Variants in CFAP299 observed in about 807,000 individuals in gnomAD.
CFAP299 encodes the protein cilia- and flagella-associated protein 299.
A neutral mutation model predicts 27.0 loss-of-function variants in CFAP299; 21 were observed. The ratio of observed to expected loss-of-function variants is 0.78; its 90% confidence interval spans 0.55 to 1.12. CFAP299 has a LOEUF of 1.12. Among genes scored for constraint, CFAP299 ranks in the 50% most tolerant of loss-of-function variants. The pLI is 0.00. For synonymous variants in CFAP299, 104 were observed against 98.1 expected, an observed-to-expected ratio of 1.06 and a Z score of -0.36; for missense variants, 310 against 276.6, an observed-to-expected ratio of 1.12 and a Z score of -0.86.
intron 2 of CFAP299, among the ~76,000 whole-genome samples, chr4:80,392,089 C>G (rs764010811): frequency 6.6e-6 from 1 of 152,200 alleles, no homozygotes; most frequent in Non-Finnish European, 1.5e-5. Context: ...GCCTTACAGG[C>G]CTTTCTTTGG....
At chr4:80,371,392 C>G (rs752625628) in intron 2 of CFAP299, among the ~76,000 whole-genome samples, 1 of 152,186 alleles carries the variant, frequency 6.6e-6, no homozygotes, top group Non-Finnish European at 1.5e-5. Context: ...TTTTGTTATA[C>G]AAATTTCTGC....
chr4:80,840,535 A>T (rs542742340), intron 3 of CFAP299, among the ~76,000 whole-genome samples: 1 of 152,050 alleles, frequency 6.6e-6, no homozygotes, highest in Non-Finnish European at 1.5e-5. Context: ...ACAATTTTCT[A>T]TGTGCACATT....
At chr4:80,558,899 GAAACGGTATAATACATCATATA>G (rs1176927242) in intron 2 of CFAP299, among the ~76,000 whole-genome samples, 1 of 152,112 alleles carries the variant, frequency 6.6e-6, no homozygotes, top group South Asian at 2.1e-4. Flanking sequence ...TAGAAGACAA[GAAACGGTATAATACATCATATA>G]AATAGCACTA....
chr4:80,583,072 C>G (rs370746109), intron 2 of CFAP299, 21 bp from the exon 3 acceptor site: 44 of 1,519,352 alleles, frequency 2.9e-5, no homozygotes, highest in Non-Finnish European at 3.9e-5. Context: ...TATATTATAA[C>G]TGAAGATCTG....
rs907282240 is a variant in CFAP299, at chr4:80,386,523, G to GT, written c.242+23639_242+23640insT. On this transcript the variant is annotated intron_variant, in intron 2 of 5. Coordinates refer to ENST00000358105, the MANE Select transcript of CFAP299 (RefSeq NM_152770.3). ...CTCGCGGGCGGTGGTGGGGGGGGGG[G>GT]GTGCCGCCGGGTTTGCAGGTCCTTT... The GT allele has an allele frequency of 1.2e-5, 19 of 1,574,070 alleles. No homozygotes were observed. In the African/African-American group the frequency reaches 2.4e-4, roughly 20 times the overall value.
At chr4:80,639,407 G>A (rs1192435783) in intron 3 of CFAP299, among the ~76,000 whole-genome samples, 2 of 152,170 alleles carry the variant, frequency 1.3e-5, no homozygotes, top group African/African-American at 4.8e-5. Context: ...ATATAGGTAA[G>A]GGGATATAAA....
At chr4:80,438,259 A>T (rs1423465345) in intron 2 of CFAP299, among the ~76,000 whole-genome samples, 1 of 152,214 alleles carries the variant, frequency 6.6e-6, no homozygotes, top group Non-Finnish European at 1.5e-5. Flanking sequence ...TGAGTAAGTC[A>T]TGAGGCTGTT....
chr4:80,552,429 C>T (rs1485051626), intron 2 of CFAP299, among the ~76,000 whole-genome samples: 1 of 152,076 alleles, frequency 6.6e-6, no homozygotes, highest in Non-Finnish European at 1.5e-5. Flanking sequence ...TGCCAGTAAC[C>T]CTGAGCCAGC....
chr4:80,386,718 G>A, intron 2 of CFAP299: 1 of 1,565,452 alleles, frequency 6.4e-7, no homozygotes, highest in Non-Finnish European at 8.8e-7. Flanking sequence ...CATTTGTGGA[G>A]CTTCATGCCG....
rs1236502170 is a variant in CFAP299 at position 80,828,171 on chromosome 4, T to A, written c.334-41822T>A. On this transcript the variant is annotated intron_variant, in intron 3 of 5. Coordinates refer to ENST00000358105, the MANE Select transcript of CFAP299 (RefSeq NM_152770.3). ...CCTTATCATAATTGCAATGACATTT[T>A]TTTTTGCAAAAATAGAAAAGTCCTT... Among the ~76,000 whole-genome samples the A allele has an allele frequency of 2.0e-5, 3 of 152,144 alleles. No individual in the cohort carries two copies. The East Asian group carries it at 5.8e-4, about 29-fold the overall frequency.
intron 2 of CFAP299, among the ~76,000 whole-genome samples, chr4:80,397,734 T>G (rs760272507): frequency 7.9e-5 from 12 of 152,222 alleles, no homozygotes; most frequent in African/African-American, 2.9e-4. Flanking sequence ...AGTATCATAC[T>G]GAGTGGGCAC....
chr4:80,458,020 T>G (rs1056990264), intron 2 of CFAP299, among the ~76,000 whole-genome samples: 6 of 152,192 alleles, frequency 3.9e-5, no homozygotes, highest in African/African-American at 1.4e-4. Context: ...TTAGTTTTAC[T>G]TGTCACTCTC....
chr4:80,868,103 A>G (rs1732851336), intron 3 of CFAP299, among the ~76,000 whole-genome samples: 2 of 152,166 alleles, frequency 1.3e-5, no homozygotes, highest in Admixed American at 1.3e-4. Flanking sequence ...CAACACTTTA[A>G]TCACTCCCTC....
chr4:80,353,733 G>A (rs1053846609), intron 1 of CFAP299, among the ~76,000 whole-genome samples: 12 of 152,086 alleles, frequency 7.9e-5, no homozygotes, highest in Non-Finnish European at 1.5e-4. Context: ...TCTGTGATAC[G>A]GTTGAAAGGG....
chr4:80,647,926 A>C (rs952215724), intron 3 of CFAP299, among the ~76,000 whole-genome samples: 1 of 152,068 alleles, frequency 6.6e-6, no homozygotes, highest in Non-Finnish European at 1.5e-5. Context: ...GCATGGCAGC[A>C]CACACCTGCA....
chr4:80,892,936 C>T (rs1172339465), intron 4 of CFAP299, among the ~76,000 whole-genome samples: 35 of 151,856 alleles, frequency 2.3e-4, no homozygotes, highest in Non-Finnish European at 4.4e-5. Flanking sequence ...AGAGGTATGA[C>T]TATCTCTATT....
At chr4:80,624,660 C>A (rs1327620386) in intron 3 of CFAP299, among the ~76,000 whole-genome samples, 1 of 151,414 alleles carries the variant, frequency 6.6e-6, no homozygotes, top group Non-Finnish European at 1.5e-5. Context: ...AGATTCAATG[C>A]AAATAAGACT....
intron 2 of CFAP299, among the ~76,000 whole-genome samples, chr4:80,578,262 C>G (rs962163857): frequency 3.3e-5 from 5 of 152,154 alleles, no homozygotes; most frequent in Non-Finnish European, 7.4e-5. Flanking sequence ...GTTAAATAAA[C>G]CTAGTTAAAT....
chr4:80,851,641 A>G (rs1437495314), intron 3 of CFAP299, among the ~76,000 whole-genome samples: 1 of 152,144 alleles, frequency 6.6e-6, no homozygotes, highest in Non-Finnish European at 1.5e-5. Context: ...GAAAGACCCA[A>G]TCAAAGCATC....
Sources: gnomAD v4.1 joint callset for allele counts (sites outside exome capture counted in the v4.1 genomes callset) on GRCh38, gnomAD v4.1.1 for gene constraint, MANE v1.5 for transcripts, NCBI Gene and HGNC (gene_info 2026-07-23, HGNC 2026-07-21) for gene names.